Variants in SCRN1 observed in about 807,000 individuals in gnomAD.
SCRN1 encodes the protein secernin-1.
Under a neutral mutation model 43.3 loss-of-function variants are expected in SCRN1, and 19 were observed. The observed-to-expected ratio is 0.44, with a 90% CI of 0.31 to 0.64. SCRN1 has a LOEUF of 0.64. Ranked by LOEUF, SCRN1 falls within the 30% of genes least tolerant of loss-of-function variation. The pLI is 0.09. For missense variants in SCRN1, 447 were observed against 524.1 expected (o/e 0.85, Z 1.44); for synonymous variants, 183 against 188.9 (o/e 0.97, Z 0.26).
At chr7:29,951,569 A>G (rs572966672) in intron 3 of SCRN1, among the ~76,000 whole-genome samples, 3 of 152,180 alleles carry the variant, frequency 2.0e-5, no homozygotes, top group Non-Finnish European at 4.4e-5. Context: ...GTTAGCTTCT[A>G]TTGGCTACTC....
Position 29,923,748 on chromosome 7 carries a change from T to C in SCRN1, c.*209A>G. On this transcript the variant is annotated 3_prime_UTR_variant, in exon 8 of 8. Transcript: ENST00000242059. ...ACCGAACAACAGGCAACGGGATACATGTTACACTGCACAGGAAGGAGACCT... is the reference window on the plus strand; with the variant it reads ...ACCGAACAACAGGCAACGGGATACACGTTACACTGCACAGGAAGGAGACCT... 1 of 572,644 alleles carries C rather than the reference T, an allele frequency of 1.7e-6. No homozygotes were observed. Among genetic ancestry groups the C allele is most frequent in the Non-Finnish European group, 3.1e-6 (1 of 324,330 alleles). The allele number at this position is 572,644 out of a possible 1,614,324, so 35.5% of individuals were successfully genotyped here.
intron 1 of SCRN1, among the ~76,000 whole-genome samples, chr7:29,974,744 C>T (rs1183607353): frequency 2.8e-5 from 4 of 143,642 alleles, no homozygotes; most frequent in African/African-American, 1.1e-4. Context: ...AGTACAGTGG[C>T]GCGATCTTGG....
intron 1 of SCRN1, among the ~76,000 whole-genome samples, chr7:29,984,510 A>G (rs1387939098): frequency 6.6e-6 from 1 of 152,144 alleles, no homozygotes; most frequent in East Asian, 1.9e-4. Context: ...TTACATACCA[A>G]TAAGAAAAAG....
intron 3 of SCRN1, among the ~76,000 whole-genome samples, chr7:29,952,149 CG>C: frequency 6.6e-6 from 1 of 152,324 alleles, no homozygotes; most frequent in East Asian, 1.9e-4. Context: ...TGTGGAGCAG[CG>C]GTTCTCACCG....
chr7:29,986,021 G>A (rs890389772), intron 1 of SCRN1, among the ~76,000 whole-genome samples: 1 of 152,228 alleles, frequency 6.6e-6, no homozygotes, highest in South Asian at 2.1e-4. Flanking sequence ...GATCACCTGA[G>A]GTCAGGAGTT....
intron 1 of SCRN1, among the ~76,000 whole-genome samples, chr7:29,981,118 TAAG>T (rs1788980562): frequency 6.6e-6 from 1 of 152,044 alleles, no homozygotes; most frequent in African/African-American, 2.4e-5. Flanking sequence ...TTTCAGTGCT[TAAG>T]AAGAACACTT....
chr7:29,943,265 C>A (rs150749277), intron 4 of SCRN1, among the ~76,000 whole-genome samples: 1 of 152,310 alleles, frequency 6.6e-6, no homozygotes, highest in East Asian at 1.9e-4. Context: ...CTACTTAGTT[C>A]TCTTCGAAGC....
chr7:29,942,111 C>T (rs967062452), intron 4 of SCRN1, among the ~76,000 whole-genome samples: 2 of 152,146 alleles, frequency 1.3e-5, no homozygotes, highest in African/African-American at 4.8e-5. Context: ...CAATTATAAA[C>T]AATTAAAAAT....
At chr7:29,982,680 C>T (rs1789024509) in intron 1 of SCRN1, among the ~76,000 whole-genome samples, 1 of 37,424 alleles carries the variant, frequency 2.7e-5, no homozygotes, top group African/African-American at 9.8e-5. Flanking sequence ...GAGACCCTGT[C>T]TCAAAAAAAA....
intron 2 of SCRN1, among the ~76,000 whole-genome samples, chr7:29,960,501 A>G (rs1250114713): frequency 6.6e-6 from 1 of 152,256 alleles, no homozygotes; most frequent in Admixed American, 6.5e-5. Flanking sequence ...TTATGTGTCA[A>G]ATCTAACTTT....
intron 2 of SCRN1, among the ~76,000 whole-genome samples, chr7:29,968,481 G>GA (rs775771752): frequency 7.2e-5 from 11 of 152,156 alleles, no homozygotes; most frequent in Non-Finnish European, 1.6e-4. Flanking sequence ...AAGAAAGGAG[G>GA]AAAGGGACCA....
intron 1 of SCRN1, among the ~76,000 whole-genome samples, chr7:29,972,459 A>C (rs1356279488): frequency 6.6e-6 from 1 of 152,198 alleles, no homozygotes; most frequent in Non-Finnish European, 1.5e-5. Flanking sequence ...TGGCCAAGGC[A>C]CCTGCTTAGT....
intron 3 of SCRN1, among the ~76,000 whole-genome samples, chr7:29,948,403 T>A (rs1287880198): frequency 6.6e-6 from 1 of 152,228 alleles, no homozygotes; most frequent in Non-Finnish European, 1.5e-5. Context: ...AAATAGTAAC[T>A]CTGATTACAC....
In SCRN1 at chr7:29,955,429, T is replaced by A. The variant is rs1318204840; in HGVS notation, c.160-69A>T. The A allele has an allele frequency of 3.5e-6, 5 of 1,445,826 alleles. No individual in the cohort carries two copies. In the Admixed American group the frequency reaches 9.6e-5, roughly 28 times the overall value. The allele number at this position is 1,445,826 out of a possible 1,614,324, so 89.6% of individuals were successfully genotyped here. On this transcript the variant is annotated intron_variant, in intron 2 of 7. Transcript: ENST00000242059. Reference sequence around the variant, plus strand: ...TACCACCTCATTTCTGCCTGGGTACTTATACTGAACCATCATATTAGTTAC... The same window carrying A: ...TACCACCTCATTTCTGCCTGGGTACATATACTGAACCATCATATTAGTTAC...
At chr7:29,930,552 G>C (rs1012711281) in intron 6 of SCRN1, among the ~76,000 whole-genome samples, 4 of 152,156 alleles carry the variant, frequency 2.6e-5, no homozygotes, top group Non-Finnish European at 5.9e-5. Context: ...ACACCCAACC[G>C]TGTCCAGCCC....
rs1304319550 is a variant in SCRN1, at chr7:29,921,919, C to T, written c.*2038G>A. ...GTCTGATGAGACATTTCATAGTAGG[C>T]GAAGGTGAAATCACTCAGTGAGATT... is the stretch of plus-strand genomic sequence containing the variant. On this transcript the variant is annotated 3_prime_UTR_variant, in exon 8 of 8. Coordinates refer to ENST00000242059, the MANE Select transcript of SCRN1 (RefSeq NM_014766.5). 1.3e-5 allele frequency: 2 copies of T among 152,106 alleles called. No individual in the cohort carries two copies. The highest frequency in any genetic ancestry group is 2.4e-5 in the African/African-American group (1 of 41,398). The allele number at this position is 152,106 out of a possible 1,614,324, so 9.4% of individuals were successfully genotyped here. A position where few individuals can be genotyped will look rare whatever the true frequency, so the allele number is the denominator to read the frequency against.
At chr7:29,925,866 A>AC (rs1786932573) in intron 7 of SCRN1, among the ~76,000 whole-genome samples, 2 of 151,788 alleles carry the variant, frequency 1.3e-5, no homozygotes, top group Non-Finnish European at 2.9e-5. Flanking sequence ...AAAAAAAAAA[A>AC]AAAAAACCCT....
chr7:29,928,097 T>A (rs1372189059), intron 6 of SCRN1, among the ~76,000 whole-genome samples: 1 of 152,160 alleles, frequency 6.6e-6, no homozygotes. Context: ...CACTCCGGCC[T>A]GGGTGACTGA....
At chr7:29,953,390 A>G (rs1020509502) in intron 3 of SCRN1, among the ~76,000 whole-genome samples, 4 of 152,222 alleles carry the variant, frequency 2.6e-5, no homozygotes, top group Admixed American at 6.5e-5. Flanking sequence ...TTAAAAAGAT[A>G]TATCAGGTGC....
Sources: allele counts gnomAD v4.1 joint callset (sites outside exome capture counted in the v4.1 genomes callset), GRCh38; gene constraint gnomAD v4.1.1; transcripts MANE v1.5; gene names NCBI Gene and HGNC (gene_info 2026-07-23, HGNC 2026-07-21).